Variants in BBS9 observed in about 807,000 individuals in gnomAD.
BBS9 encodes protein PTHB1.
BBS9 carries 89 observed loss-of-function variants against 117.7 expected under a neutral mutation model. That is an observed-to-expected ratio of 0.76 (90% confidence interval 0.64 to 0.90). BBS9 has a LOEUF of 0.90. BBS9 is among the 40% of genes least tolerant of loss of function. The pLI, the probability that BBS9 is intolerant of heterozygous loss-of-function variation, is 0.00. For missense variants in BBS9, 982 were observed against 1,042.2 expected, an observed-to-expected ratio of 0.94 and a Z score of 0.80; for synonymous variants, 379 against 370.9, an observed-to-expected ratio of 1.02 and a Z score of -0.25.
At chr7:33,279,363 A>G (rs939978183) in intron 9 of BBS9, among the ~76,000 whole-genome samples, 1 of 152,258 alleles carries the variant, frequency 6.6e-6, no homozygotes, top group Admixed American at 6.5e-5. Flanking sequence ...GGTATGAGCC[A>G]CAGTGCTCAG....
intron 19 of BBS9, among the ~76,000 whole-genome samples, chr7:33,389,678 G>T (rs1584618253): frequency 1.0e-5 from 1 of 96,858 alleles, no homozygotes; most frequent in African/African-American, 4.4e-5. Flanking sequence ...GACAGAGCAA[G>T]ACTCCATCTA....
At chr7:33,596,211 C>T (rs530138213) in intron 21 of BBS9, among the ~76,000 whole-genome samples, 1 of 150,606 alleles carries the variant, frequency 6.6e-6, no homozygotes, top group East Asian at 2.0e-4. Flanking sequence ...CCAACAATTT[C>T]ACAGAAATGT....
intron 19 of BBS9, among the ~76,000 whole-genome samples, chr7:33,451,177 C>T (rs1040467316): frequency 6.6e-5 from 10 of 152,038 alleles, no homozygotes; most frequent in African/African-American, 9.7e-5. Flanking sequence ...TGTGAGCCAC[C>T]GTGCCCAGCC....
intron 17 of BBS9, among the ~76,000 whole-genome samples, chr7:33,383,047 G>C (rs1219468615): frequency 2.0e-5 from 3 of 152,086 alleles, no homozygotes; most frequent in African/African-American, 4.8e-5. Flanking sequence ...TGTCACCATT[G>C]TTGTCATCAT....
chr7:33,580,267 A>G (rs1298776948), intron 21 of BBS9, among the ~76,000 whole-genome samples: 1 of 151,416 alleles, frequency 6.6e-6, no homozygotes, highest in Middle Eastern at 3.2e-3. Context: ...TAGCTCAATT[A>G]GCCCGGGTAA....
intron 20 of BBS9, among the ~76,000 whole-genome samples, chr7:33,509,723 T>C (rs1490072636): frequency 6.6e-6 from 1 of 152,192 alleles, no homozygotes; most frequent in East Asian, 1.9e-4. Flanking sequence ...TGATGGTATG[T>C]GTTAAAAGGC....
chr7:33,243,006 C>T (rs752740995), intron 5 of BBS9: 1 of 517,816 alleles, frequency 1.9e-6, no homozygotes, highest in South Asian at 1.4e-5. Flanking sequence ...TAAATGAGGA[C>T]AATAATTCTT....
chr7:33,379,318 A>G (rs933770566), intron 17 of BBS9, among the ~76,000 whole-genome samples: 1 of 152,112 alleles, frequency 6.6e-6, no homozygotes, highest in African/African-American at 2.4e-5. Flanking sequence ...TAATAATCCT[A>G]GTTGTTTATG....
At chr7:33,529,114 G>A (rs1382294301) in intron 20 of BBS9, among the ~76,000 whole-genome samples, 2 of 152,156 alleles carry the variant, frequency 1.3e-5, no homozygotes, top group East Asian at 3.8e-4. Flanking sequence ...CCAGGTCCTT[G>A]AATTTAAAGA....
chr7:33,336,739 A>T, intron 10 of BBS9, 117 bp downstream of exon 10: 1 of 761,312 alleles, frequency 1.3e-6, no homozygotes. Flanking sequence ...AATTAAAATC[A>T]TATTTGTAAA....
chr7:33,317,620 C>A (rs543344850), intron 9 of BBS9, among the ~76,000 whole-genome samples: 3 of 152,316 alleles, frequency 2.0e-5, no homozygotes, highest in South Asian at 2.1e-4. Flanking sequence ...CCTCTCTCTT[C>A]CCATCCATCT....
intron 5 of BBS9, among the ~76,000 whole-genome samples, chr7:33,179,014 A>C (rs1797734584): frequency 6.6e-6 from 1 of 152,182 alleles, no homozygotes; most frequent in Non-Finnish European, 1.5e-5. Flanking sequence ...AATTTAGATG[A>C]GGGGAGAGTC....
At chr7:33,409,513 G>A (rs1197332624) in intron 19 of BBS9, among the ~76,000 whole-genome samples, 1 of 152,160 alleles carries the variant, frequency 6.6e-6, no homozygotes, top group African/African-American at 2.4e-5. Flanking sequence ...ATTGGTCTAT[G>A]TGTCTGTTTT....
intron 21 of BBS9, among the ~76,000 whole-genome samples, chr7:33,624,356 C>T (rs1343732785): frequency 6.6e-6 from 1 of 152,142 alleles, no homozygotes; most frequent in Non-Finnish European, 1.5e-5. Flanking sequence ...TGAATATTAC[C>T]ACACAGTGGC....
At chr7:33,633,449 G>A (rs548659036) in intron 21 of BBS9, among the ~76,000 whole-genome samples, 2 of 151,938 alleles carry the variant, frequency 1.3e-5, no homozygotes, top group East Asian at 3.9e-4. Context: ...TGAAGATTGG[G>A]AATGCATGAA....
chr7:33,323,055 T>C (rs1195469089), intron 9 of BBS9, among the ~76,000 whole-genome samples: 1 of 152,186 alleles, frequency 6.6e-6, no homozygotes, highest in African/African-American at 2.4e-5. Flanking sequence ...AAAATTCCTC[T>C]TGTTATTGAT....
chr7:33,364,501 T>C (rs1034722165), intron 16 of BBS9, among the ~76,000 whole-genome samples: 1 of 152,042 alleles, frequency 6.6e-6, no homozygotes, highest in Admixed American at 6.6e-5. Context: ...GCCTTTCTTC[T>C]TTCCTTTCAT....
chr7:33,357,794 A>T, intron 15 of BBS9, 61 bp from the exon 16 acceptor site: 1 of 1,524,964 alleles, frequency 6.6e-7, no homozygotes, highest in Non-Finnish European at 9.1e-7. Flanking sequence ...TAGTAGTACA[A>T]TTTTTTTTTG....
chr7:33,609,056 A>C (rs1864734161), downstream of BBS9, among the ~76,000 whole-genome samples: 1 of 152,094 alleles, frequency 6.6e-6, no homozygotes. Flanking sequence ...ATAGGGGTCC[A>C]GTTTTATTTT....
Sources: allele counts gnomAD v4.1 joint callset (sites outside exome capture counted in the v4.1 genomes callset), GRCh38; gene constraint gnomAD v4.1.1; transcripts MANE v1.5; gene names NCBI Gene and HGNC (gene_info 2026-07-23, HGNC 2026-07-21).